The following HNF1B variants were observed in gnomAD, a reference collection of about 807,000 sequenced individuals.
The protein encoded by HNF1B is HNF1 homeobox B, also known as hepatocyte nuclear factor 1-beta.
In HNF1B, 8 loss-of-function variants were observed where a neutral mutation model predicts 61.7. That is an observed-to-expected ratio of 0.13 (90% CI 0.08 to 0.23). HNF1B has a LOEUF of 0.23. Ranked by LOEUF, HNF1B falls within the 10% of genes least tolerant of loss-of-function variation. The probability of loss-of-function intolerance (pLI) is 1.00; values close to 1 mark genes in which losing one functional copy is unlikely to be tolerated. For synonymous variants in HNF1B, 314 were observed against 287.7 expected (o/e 1.09, Z -0.93); for missense variants, 562 against 714.5 (o/e 0.79, Z 2.43).
At chr17:37,700,837 TGAGA>T (rs1447003538) in intron 7 of HNF1B, 142 bp downstream of exon 7, 10 of 756,710 alleles carry the variant, frequency 1.3e-5, no homozygotes, top group Non-Finnish European at 2.3e-5. Context: ...GAGTTATGCT[TGAGA>T]AATTGTCTTA....
Position 37,744,737 on chromosome 17 carries a change from G to C in HNF1B, c.148C>G (p.Pro50Ala), listed in dbSNP as rs746036863. ...GVKLETLPLS[P>A]GSGAEPDTKP... ...GTGTCGGGCTCGGCCCCGCTGCCAG[G>C]GGACAGGGGCAGCGTCTCCAGCTTC... Residue 50 changes from proline to alanine, a missense_variant, in exon 1 of 9, where the codon CCT becomes GCT. Around this residue, in one of 6 missense-constraint regions of HNF1B, gnomAD observed 148 missense variants for 147.3 expected, o/e 1.00. Coordinates refer to ENST00000617811, the MANE Select transcript of HNF1B (RefSeq NM_000458.4). 1 of 1,613,484 alleles carries C rather than the reference G, an allele frequency of 6.2e-7. No individual in the cohort carries two copies. Among genetic ancestry groups the C allele is most frequent in the Non-Finnish European group, 8.5e-7 (1 of 1,180,034 alleles).
At chr17:37,695,478 C>A (rs1366050270) in intron 8 of HNF1B, among the ~76,000 whole-genome samples, 2 of 152,234 alleles carry the variant, frequency 1.3e-5, no homozygotes, top group Non-Finnish European at 2.9e-5. Flanking sequence ...GCCCCACCCG[C>A]CCCACACACA....
intron 5 of HNF1B, among the ~76,000 whole-genome samples, chr17:37,707,567 C>A (rs1288360447): frequency 6.6e-6 from 1 of 152,046 alleles, no homozygotes; most frequent in Non-Finnish European, 1.5e-5. Flanking sequence ...TCTTTATATA[C>A]CTATAATCTA....
chr17:37,741,004 T>C (rs895686240), intron 1 of HNF1B, among the ~76,000 whole-genome samples: 7 of 152,200 alleles, frequency 4.6e-5, no homozygotes, highest in African/African-American at 1.7e-4. Context: ...ATGTTTACTA[T>C]TTATTTAATG....
rs571607314 is a variant in HNF1B, at chr17:37,686,927, T to C, written c.*445A>G. 98 of 341,534 alleles carry C rather than the reference T, an allele frequency of 2.9e-4. No individual in the cohort carries two copies. The Middle Eastern group carries it at 3.9e-3, about 14-fold the overall frequency. The allele number at this position is 341,534 out of a possible 1,614,324, so 21.2% of individuals were successfully genotyped here. A position where few individuals can be genotyped will look rare whatever the true frequency, so the allele number is the denominator to read the frequency against. On this transcript the variant is annotated 3_prime_UTR_variant, in exon 9 of 9. Coordinates refer to ENST00000617811, the MANE Select transcript of HNF1B (RefSeq NM_000458.4). ...TTCTTTAAAAGAAATCTCAAGATCA[T>C]TTGGGATGGGGGCAGGGGAGGGAGT...
intron 1 of HNF1B, among the ~76,000 whole-genome samples, chr17:37,742,653 C>T (rs1346928911): frequency 6.6e-6 from 1 of 152,086 alleles, no homozygotes; most frequent in Non-Finnish European, 1.5e-5. Context: ...TCTCCGGCTC[C>T]CCAGTCCCTC....
chr17:37,744,533 G>A lies in HNF1B; in HGVS notation c.344+8C>T, dbSNP rs2034107767. 4.4e-6 allele frequency: 7 copies of A among 1,600,994 alleles called. No homozygotes were observed. The highest frequency in any genetic ancestry group is 5.9e-6 in the Non-Finnish European group (7 of 1,179,746). ...GGGTGGGTCCCCTCCACCTCGCTCT[G>A]CGCCTACCTGAGCATCCGGTCCACC... On this transcript the variant is annotated splice_region_variant and intron_variant, in intron 1 of 8. Coordinates refer to ENST00000617811, the MANE Select transcript of HNF1B (RefSeq NM_000458.4).
chr17:37,696,226 C>T (rs1280149730), intron 8 of HNF1B, among the ~76,000 whole-genome samples: 2 of 152,140 alleles, frequency 1.3e-5, no homozygotes, highest in African/African-American at 2.4e-5. Context: ...AGGCAGTTCA[C>T]TTGAGCGCAG....
rs186134298 is a variant in HNF1B, at chr17:37,689,112, T to C, written c.1654-1720A>G. On this transcript the variant is annotated intron_variant, in intron 8 of 8. Transcript: ENST00000617811. ...GTGAGCCGATATTATGCTACTGCAC[T>C]CCAGCCTGGGCGACAGAGCAAGACT... Among the ~76,000 whole-genome samples, 490 of 123,234 alleles carry C rather than the reference T, an allele frequency of 4.0e-3. 1 individual carries two copies. Among genetic ancestry groups the C allele is most frequent in the Admixed American group, 0.012 (108 of 9,340 alleles). 80.8% of individuals were successfully genotyped at this position (123,234 alleles called of 152,430 possible).
At chr17:37,739,705 AG>A in intron 1 of HNF1B, 66 bp from the exon 2 acceptor site, 1 of 1,357,430 alleles carries the variant, frequency 7.4e-7, no homozygotes, top group East Asian at 2.5e-5. Flanking sequence ...TTCTTTTTCT[AG>A]GGGGTGCTAC....
chr17:37,729,111 TTTCTCCATTTTG>T, intron 4 of HNF1B: 1 of 152,368 alleles, frequency 6.6e-6, no homozygotes, highest in South Asian at 2.1e-4. Flanking sequence ...GAAGGTCCTA[TTTCTCCATTTTG>T]TAGGCAGGAA....
rs554893725 is a variant in HNF1B at position 37,688,807 on chromosome 17, T to C, written c.1654-1415A>G. Among the ~76,000 whole-genome samples, 5 of 152,264 alleles carry C rather than the reference T, an allele frequency of 3.3e-5. No homozygotes were observed. The South Asian group carries it at 1.0e-3, about 32-fold the overall frequency. On this transcript the variant is annotated intron_variant, in intron 8 of 8. Coordinates refer to ENST00000617811, the MANE Select transcript of HNF1B (RefSeq NM_000458.4). ...CTTGGCACAATTGTTATTATTAACATGGGGTTCTTCGGCCCAAGCCCCTGC... is the reference window on the plus strand; with the variant it reads ...CTTGGCACAATTGTTATTATTAACACGGGGTTCTTCGGCCCAAGCCCCTGC...
chr17:37,744,769 A>T lies in HNF1B; in HGVS notation c.116T>A (p.Phe39Tyr), dbSNP rs373847943. 1.2e-6 allele frequency: 2 copies of T among 1,613,414 alleles called. No homozygotes were observed. The highest frequency in any genetic ancestry group is 2.7e-5 in the African/African-American group (2 of 74,910). ...GGGCAGCGTCTCCAGCTTCACCCCG[A>T]AGTTCGGGGATGGCAGCAACTCCTC... ...ALEELLPSPN[F>Y]GVKLETLPLS... Residue 39 changes from phenylalanine (F) to tyrosine (Y), a missense_variant, in exon 1 of 9, where the codon TTC (phenylalanine) becomes TAC (tyrosine). By Grantham distance (22) the Phe-to-Tyr change is conservative. Around this residue, in one of 6 missense-constraint regions of HNF1B, gnomAD observed 148 missense variants for 147.3 expected, o/e 1.00. Coordinates refer to ENST00000617811, the MANE Select transcript of HNF1B (RefSeq NM_000458.4).
At chr17:37,743,024 A>G (rs1323988337) in intron 1 of HNF1B, among the ~76,000 whole-genome samples, 7 of 152,110 alleles carry the variant, frequency 4.6e-5, no homozygotes, top group Admixed American at 3.9e-4. Context: ...ATAGAAATAA[A>G]TTAATAACAC....
intron 4 of HNF1B, among the ~76,000 whole-genome samples, chr17:37,726,402 A>G (rs1477744308): frequency 6.6e-6 from 1 of 152,236 alleles, no homozygotes; most frequent in Non-Finnish European, 1.5e-5. Flanking sequence ...AAGATGATGC[A>G]TGGAGGAACT....
intron 6 of HNF1B, among the ~76,000 whole-genome samples, chr17:37,703,073 C>T (rs962173124): frequency 1.3e-5 from 2 of 152,124 alleles, no homozygotes; most frequent in African/African-American, 4.8e-5. Context: ...CACAGGCTTC[C>T]GCAATTCTGA....
At chr17:37,717,076 G>A (rs2033147941) in intron 4 of HNF1B, among the ~76,000 whole-genome samples, 1 of 152,184 alleles carries the variant, frequency 6.6e-6, no homozygotes, top group African/African-American at 2.4e-5. Flanking sequence ...GACCAGAATT[G>A]TTCTTTTAGT....
intron 8 of HNF1B, among the ~76,000 whole-genome samples, chr17:37,690,313 T>C (rs2032154375): frequency 6.6e-6 from 1 of 151,598 alleles, no homozygotes. Flanking sequence ...AGGAAGGAGG[T>C]GAGAACGGCG....
chr17:37,724,465 G>T (rs2033427448), intron 4 of HNF1B, among the ~76,000 whole-genome samples: 3 of 152,090 alleles, frequency 2.0e-5, no homozygotes, highest in Admixed American at 2.0e-4. Flanking sequence ...GAGAACTATT[G>T]TCCTACAGCG....
Sources: gnomAD v4.1 joint callset for allele counts (sites outside exome capture counted in the v4.1 genomes callset) on GRCh38, gnomAD v4.1.1 for gene constraint, gnomAD v4.1.1 regional missense constraint, MANE v1.5 for transcripts, NCBI Gene and HGNC (gene_info 2026-07-23, HGNC 2026-07-21) for gene names.